Variants in OCLN observed in about 807,000 individuals in gnomAD.
OCLN encodes phosphatase 1, regulatory subunit 115.
OCLN carries 21 observed loss-of-function variants against 47.9 expected under a neutral mutation model. That is an observed-to-expected ratio of 0.44 (90% CI 0.31 to 0.63). The LOEUF is 0.63. Among genes scored for constraint, OCLN ranks in the 30% least tolerant of loss-of-function variants. The pLI is 0.08. For synonymous variants in OCLN, 117 were observed against 198.4 expected (o/e 0.59, Z 3.45); for missense variants, 360 against 571.0 (o/e 0.63, Z 3.77).
At chr5:69,530,864 G>T (rs1357777257) in intron 4 of OCLN, 1 of 152,186 alleles carries the variant, frequency 6.6e-6, no homozygotes, top group African/African-American at 2.4e-5. Context: ...AAAATACTTG[G>T]GTATACAGTG....
Position 69,553,708 on chromosome 5 carries a change from T to C in OCLN, c.*37T>C. 6.3e-7 allele frequency: 1 copy of C among 1,585,496 alleles called. No individual in the cohort carries two copies. The highest frequency in any genetic ancestry group is 8.7e-7 in the Non-Finnish European group (1 of 1,154,694). Reference sequence around the variant, plus strand: ...CAAGTTGTTTGAGAAATTAAGTATCTGACATCTCTGCAATCTTCTCAGAAG... The same window carrying C: ...CAAGTTGTTTGAGAAATTAAGTATCCGACATCTCTGCAATCTTCTCAGAAG... On this transcript the variant is annotated 3_prime_UTR_variant, in exon 9 of 9. Coordinates refer to ENST00000396442, the MANE Select transcript of OCLN (RefSeq NM_001205254.2).
At position 69,514,028 on chromosome 5, in the gene OCLN, G is replaced by A. The variant is rs1768856867; in HGVS notation, c.810G>A (p.Lys270=). The A allele has an allele frequency of 6.2e-7, 1 of 1,613,718 alleles. No individual in the cohort carries two copies. The highest frequency in any genetic ancestry group is 1.3e-5 in the African/African-American group (1 of 75,034). ...TCTTTGCTGTGAAAACTCGAAGAAAGATGGACAGGTATGACAAGTCCAATA... is the reference window on the plus strand; with the variant it reads ...TCTTTGCTGTGAAAACTCGAAGAAAAATGGACAGGTATGACAAGTCCAATA... ...IIFFAVKTRR[K]MDRYDKSNIL... is the part of the protein sequence containing the mutation. The change falls in exon 4 of 9, where the codon AAG becomes AAA. Residue 270 remains lysine (K), a synonymous_variant. Transcript: ENST00000396442.
chr5:69,514,089 C>A lies in OCLN; in HGVS notation c.871C>A (p.Pro291Thr), dbSNP rs373344533. ...CAAGGAACACATTTATGATGAGCAG[C>A]CCCCCAATGTCGAGGAGTGGGTAAG... ...WDKEHIYDEQ[P>T]PNVEEWVKNV... Residue 291 changes from proline (P) to threonine (T), a missense_variant, in exon 4 of 9, where the codon CCC becomes ACC. Physicochemically the swap from Pro to Thr is conservative, Grantham distance 38. This residue lies in a region of OCLN where 314 missense variants were observed against 368.1 expected (regional missense o/e 0.85). Transcript: ENST00000396442. 2 of 1,613,830 alleles carry A rather than the reference C, an allele frequency of 1.2e-6. No individual in the cohort carries two copies. The highest frequency in any genetic ancestry group is 1.1e-5 in the South Asian group (1 of 91,062).
At chr5:69,496,334 G>A (rs923034724) in intron 1 of OCLN, among the ~76,000 whole-genome samples, 1 of 152,060 alleles carries the variant, frequency 6.6e-6, no homozygotes, top group African/African-American at 2.4e-5. Flanking sequence ...TCCTGACCTC[G>A]TGATCCTCCC....
chr5:69,500,607 G>C (rs1388135118), intron 1 of OCLN, among the ~76,000 whole-genome samples: 4 of 152,076 alleles, frequency 2.6e-5, no homozygotes, highest in African/African-American at 4.8e-5. Context: ...TCACCACATT[G>C]GTCAGCTGGT....
chr5:69,516,678 C>T (rs1476214219), intron 4 of OCLN, among the ~76,000 whole-genome samples: 1 of 152,148 alleles, frequency 6.6e-6, no homozygotes, highest in Admixed American at 6.5e-5. Context: ...TCTTACCAAG[C>T]TTCCTATATG....
intron 1 of OCLN, among the ~76,000 whole-genome samples, chr5:69,501,167 TCCAC>T (rs1439139825): frequency 6.6e-6 from 1 of 152,216 alleles, no homozygotes; most frequent in Non-Finnish European, 1.5e-5. Flanking sequence ...TCCACCTGTC[TCCAC>T]CTCCCAAGTG....
At chr5:69,532,008 A>G (rs768062354) in intron 4 of OCLN, among the ~76,000 whole-genome samples, 19 of 152,378 alleles carry the variant, frequency 1.2e-4, no homozygotes, top group Non-Finnish European at 2.2e-4. Context: ...GATCAGATCA[A>G]GTGGCCTTAA....
At chr5:69,518,410 T>C (rs1769036976) in intron 4 of OCLN, among the ~76,000 whole-genome samples, 1 of 152,232 alleles carries the variant, frequency 6.6e-6, no homozygotes, top group African/African-American at 2.4e-5. Context: ...CTTCAGTTTT[T>C]TGAACTGAAA....
chr5:69,517,295 A>ATATAT (rs1768998072), intron 4 of OCLN, among the ~76,000 whole-genome samples: 1 of 112,574 alleles, frequency 8.9e-6, no homozygotes, highest in African/African-American at 2.9e-5. Flanking sequence ...TAAAGACATT[A>ATATAT]ATATATATAT....
intron 4 of OCLN, among the ~76,000 whole-genome samples, chr5:69,518,582 T>C (rs920101924): frequency 6.6e-6 from 1 of 152,234 alleles, no homozygotes; most frequent in Admixed American, 6.5e-5. Flanking sequence ...AGATGTAGCC[T>C]GTTACTCTCA....
intron 1 of OCLN, among the ~76,000 whole-genome samples, chr5:69,500,119 G>A (rs1198079696): frequency 6.6e-6 from 1 of 152,190 alleles, no homozygotes; most frequent in Non-Finnish European, 1.5e-5. Context: ...TGCAAATCTG[G>A]ATAAGCGTGT....
At chr5:69,530,706 T>C (rs996728212) in intron 4 of OCLN, 1 of 152,210 alleles carries the variant, frequency 6.6e-6, no homozygotes, top group Non-Finnish European at 1.5e-5. Flanking sequence ...TATGTGCTGC[T>C]GAAGGGAGCA....
rs757279548 is a variant in OCLN at position 69,513,990 on chromosome 5, G to T, written c.772G>T (p.Ala258Ser). The T allele has an allele frequency of 6.2e-7, 1 of 1,613,862 alleles. No individual in the cohort carries two copies. The highest frequency in any genetic ancestry group is 1.1e-5 in the South Asian group (1 of 91,072). ...GGGGTTCATGATTATTGTGGCTTTT[G>T]CTTTAATAATTTTCTTTGCTGTGAA... ...VLGFMIIVAF[A>S]LIIFFAVKTR... The change falls in exon 4 of 9, where the codon GCT becomes TCT. Residue 258 changes from alanine to serine, a missense_variant. Ala to Ser is a moderately conservative substitution (Grantham distance 99, BLOSUM62 1). Around this residue, in one of 3 missense-constraint regions of OCLN, gnomAD observed 314 missense variants for 368.1 expected, o/e 0.85. Coordinates refer to ENST00000396442, the MANE Select transcript of OCLN (RefSeq NM_001205254.2).
intron 4 of OCLN, among the ~76,000 whole-genome samples, chr5:69,532,328 A>G (rs931589290): frequency 6.6e-6 from 1 of 152,104 alleles, no homozygotes; most frequent in Non-Finnish European, 1.5e-5. Context: ...TCCACCTCTC[A>G]GTCTCAAGAG....
At chr5:69,494,365 T>C (rs1302621880) in intron 1 of OCLN, among the ~76,000 whole-genome samples, 3 of 152,174 alleles carry the variant, frequency 2.0e-5, no homozygotes, top group Non-Finnish European at 4.4e-5. Context: ...TTTTGTATTT[T>C]TAGTAGAGAC....
At chr5:69,525,325 C>T (rs965371859) in intron 4 of OCLN, among the ~76,000 whole-genome samples, 3 of 151,832 alleles carry the variant, frequency 2.0e-5, no homozygotes, top group African/African-American at 2.4e-5. Flanking sequence ...AGGATGGTCT[C>T]GATCTCCTGA....
Position 69,514,114 on chromosome 5 carries a change from G to A in OCLN, c.891+5G>A, listed in dbSNP as rs1768861393. 3 of 1,613,480 alleles carry A rather than the reference G, an allele frequency of 1.9e-6. No individual in the cohort carries two copies. In the East Asian group the frequency reaches 6.7e-5, roughly 36 times the overall value. On this transcript the variant is annotated splice_donor_5th_base_variant and intron_variant, in intron 4 of 8. Transcript: ENST00000396442. ...CCCCCCAATGTCGAGGAGTGGGTAA[G>A]TGTTAAAAAATAACTTTACATCTTT...
chr5:69,498,685 T>TA (rs902339940), intron 1 of OCLN, among the ~76,000 whole-genome samples: 8 of 151,944 alleles, frequency 5.3e-5, no homozygotes, highest in African/African-American at 1.7e-4. Context: ...CTTTTTTTTT[T>TA]AATTGTTTTT....
Sources: gnomAD v4.1 joint callset for allele counts (sites outside exome capture counted in the v4.1 genomes callset) on GRCh38, gnomAD v4.1.1 for gene constraint, gnomAD v4.1.1 regional missense constraint, MANE v1.5 for transcripts, NCBI Gene and HGNC (gene_info 2026-07-23, HGNC 2026-07-21) for gene names.